MIB1: variants seen among roughly 807,000 people sequenced by gnomAD.
MIB1 encodes the protein MIB E3 ubiquitin protein ligase 1, also known as E3 ubiquitin-protein ligase MIB1.
In MIB1, 278 loss-of-function variants were observed where a neutral mutation model predicts 124.5. The observed-to-expected ratio is 2.23, with a 90% CI of 2.02 to 2.47. The LOEUF (loss-of-function observed/expected upper bound fraction) is 2.47. MIB1 is among the 30% of genes most tolerant of loss of function. MIB1 has a pLI of 0.00. For synonymous variants in MIB1, 446 were observed against 429.4 expected (o/e 1.04, Z -0.48); for missense variants, 957 against 1,254.4 (o/e 0.76, Z 3.58).
At chr18:21,827,671 TTGAAAG>T (rs1341287878) in intron 12 of MIB1, 1 of 152,090 alleles carries the variant, frequency 6.6e-6, no homozygotes, top group Non-Finnish European at 1.5e-5. Flanking sequence ...ACTAATTTCT[TTGAAAG>T]TGTAGAATTT....
intron 1 of MIB1, among the ~76,000 whole-genome samples, chr18:21,747,330 A>G (rs573936508): frequency 1.3e-5 from 2 of 152,342 alleles, no homozygotes; most frequent in East Asian, 1.9e-4. Flanking sequence ...CCCCTGTGTC[A>G]GTACTTCTCA....
Position 21,735,342 on chromosome 18 carries a change from A to C in MIB1, n.167+30219A>C, listed in dbSNP as rs554567612. The stretch of plus-strand genomic sequence containing the variant: ...AGGAACGGGGTACTCCGGATCAGAT[A>C]CTGTGCTTTTCCCACAGTCTTCACA... On this transcript the variant is annotated intron_variant and non_coding_transcript_variant, in intron 1 of 20. Transcript: ENST00000578646. Among the ~76,000 whole-genome samples the C allele has an allele frequency of 2.0e-5, 3 of 152,290 alleles. No individual in the cohort carries two copies. In the East Asian group the frequency reaches 5.8e-4, roughly 29 times the overall value.
chr18:21,838,585 A>C (rs935988840), intron 13 of MIB1, 88 bp downstream of exon 13: 2 of 1,124,834 alleles, frequency 1.8e-6, no homozygotes, highest in Non-Finnish European at 1.2e-6. Flanking sequence ...TTGCTTTATA[A>C]ATTGCCTATT....
At chr18:21,705,742 C>T (rs1824272003) in intron 1 of MIB1, among the ~76,000 whole-genome samples, 1 of 152,216 alleles carries the variant, frequency 6.6e-6, no homozygotes, top group East Asian at 1.9e-4. Flanking sequence ...TTATTTGGCT[C>T]CGATTTGGTC....
intron 6 of MIB1, among the ~76,000 whole-genome samples, chr18:21,781,579 A>G (rs1392304743): frequency 6.6e-6 from 1 of 150,546 alleles, no homozygotes; most frequent in Non-Finnish European, 1.5e-5. Flanking sequence ...ACACCCAGCT[A>G]AATTTTGTAT....
chr18:21,720,933 G>A (rs2146357995), intron 1 of MIB1, among the ~76,000 whole-genome samples: 1 of 152,198 alleles, frequency 6.6e-6, no homozygotes, highest in East Asian at 1.9e-4. Context: ...CTGCACTCCA[G>A]CCTGGGCAAC....
intron 6 of MIB1, among the ~76,000 whole-genome samples, chr18:21,781,863 C>T (rs1042880526): frequency 6.6e-6 from 1 of 151,808 alleles, no homozygotes; most frequent in African/African-American, 2.4e-5. Flanking sequence ...ATTTATGTCC[C>T]CATTTTTGTT....
intron 6 of MIB1, among the ~76,000 whole-genome samples, chr18:21,788,254 C>CT (rs2041459471): frequency 6.6e-6 from 1 of 152,030 alleles, no homozygotes; most frequent in Non-Finnish European, 1.5e-5. Context: ...CATAAAGAAA[C>CT]TAATTCCCTG....
chr18:21,788,483 A>G (rs1186439483), intron 6 of MIB1, among the ~76,000 whole-genome samples: 4 of 152,248 alleles, frequency 2.6e-5, no homozygotes, highest in Admixed American at 2.0e-4. Flanking sequence ...TTGATAAAGG[A>G]CATCTATGAA....
At chr18:21,842,162 A>G (rs2042097043) in intron 13 of MIB1, among the ~76,000 whole-genome samples, 1 of 151,552 alleles carries the variant, frequency 6.6e-6, no homozygotes, top group African/African-American at 2.4e-5. Flanking sequence ...CCACACTTCA[A>G]AGAAACATAA....
Position 21,838,372 on chromosome 18 carries a change from C to A in MIB1, c.1837C>A (p.Arg613Ser). Reference sequence around the variant, plus strand: ...TGTGAATTTAACTTTCAGTGCAATGCGTGTTTTACTATCTAAATTACCAAG... The same window carrying A: ...TGTGAATTTAACTTTCAGTGCAATGAGTGTTTTACTATCTAAATTACCAAG... ...AALRGNPSAM[R>S]VLLSKLPRPW... Residue 613 changes from arginine to serine, a missense_variant, in exon 13 of 21, where the codon CGT becomes AGT. By Grantham distance (110) the Arg-to-Ser change is moderately radical (BLOSUM62 -1). Transcript: ENST00000261537. 6.3e-7 allele frequency: 1 copy of A among 1,585,142 alleles called. No individual in the cohort carries two copies. Among genetic ancestry groups the A allele is most frequent in the South Asian group, 1.2e-5 (1 of 85,288 alleles).
intron 1 of MIB1, among the ~76,000 whole-genome samples, chr18:21,758,261 A>G (rs1417195370): frequency 6.6e-6 from 1 of 152,236 alleles, no homozygotes. Flanking sequence ...TGTGGACTTT[A>G]CCAACCAGCT....
chr18:21,713,920 A>G (rs548778758), intron 1 of MIB1, among the ~76,000 whole-genome samples: 1 of 152,226 alleles, frequency 6.6e-6, no homozygotes, highest in South Asian at 2.1e-4. Context: ...TTTTTAAATT[A>G]CACAGGAAAT....
At chr18:21,723,773 C>A (rs1272368091) in intron 1 of MIB1, among the ~76,000 whole-genome samples, 1 of 152,198 alleles carries the variant, frequency 6.6e-6, no homozygotes, top group Non-Finnish European at 1.5e-5. Context: ...CTCAGCCTCC[C>A]AAAGTGTTGG....
At chr18:21,774,288 T>C (rs896922726) in intron 4 of MIB1, among the ~76,000 whole-genome samples, 1 of 152,214 alleles carries the variant, frequency 6.6e-6, no homozygotes, top group Non-Finnish European at 1.5e-5. Context: ...TCATGGACCA[T>C]TGTTCAAGCG....
chr18:21,796,198 A>C (rs1160307914), intron 7 of MIB1, among the ~76,000 whole-genome samples: 1 of 151,976 alleles, frequency 6.6e-6, no homozygotes, highest in East Asian at 1.9e-4. Context: ...AGATTGCAAA[A>C]ATTTTCTTCC....
intron 2 of MIB1, among the ~76,000 whole-genome samples, chr18:21,768,157 C>T (rs1455918148): frequency 3.9e-5 from 6 of 152,150 alleles, no homozygotes; most frequent in Admixed American, 2.6e-4. Flanking sequence ...GAAGCTATAG[C>T]GATTTGAGTT....
chr18:21,803,791 C>A, intron 9 of MIB1, 116 bp from the exon 10 acceptor site: 1 of 673,290 alleles, frequency 1.5e-6, no homozygotes, highest in Non-Finnish European at 2.5e-6. Context: ...GAACACCAAC[C>A]TAAATTATTC....
Position 21,864,949 on chromosome 18 carries a change from T to TA in MIB1, c.*289dup. On this transcript the variant is annotated 3_prime_UTR_variant, in exon 21 of 21. Coordinates refer to ENST00000261537, the MANE Select transcript of MIB1 (RefSeq NM_020774.4). ...AAAGTCCTTTAAGGATATCCTTTTT[T>TA]AAAAAATTGCATTTTTCTCTTATAA... 8.5e-6 allele frequency: 2 copies of TA among 234,784 alleles called. No individual in the cohort carries two copies. The highest frequency in any genetic ancestry group is 1.6e-5 in the Non-Finnish European group (2 of 122,978). 14.5% of individuals were successfully genotyped at this position (234,784 alleles called of 1,614,324 possible).
Sources: allele counts gnomAD v4.1 joint callset (sites outside exome capture counted in the v4.1 genomes callset), GRCh38; gene constraint gnomAD v4.1.1; transcripts MANE v1.5; gene names NCBI Gene and HGNC (gene_info 2026-07-23, HGNC 2026-07-21).